The following LGALS12 variants were observed in gnomAD, a reference collection of about 807,000 sequenced individuals.
The protein encoded by LGALS12 is galectin-12.
LGALS12 carries 36 observed loss-of-function variants against 36.8 expected under a neutral mutation model. The ratio of observed to expected loss-of-function variants is 0.98; its 90% CI spans 0.75 to 1.29. LGALS12 has a LOEUF of 1.29. LGALS12 is among the 50% of genes most tolerant of loss of function. The probability of loss-of-function intolerance (pLI) is 0.00; values close to 1 mark genes in which losing one functional copy is unlikely to be tolerated. For missense variants in LGALS12, 366 were observed against 394.3 expected (o/e 0.93, Z 0.61); for synonymous variants, 145 against 155.9 (o/e 0.93, Z 0.52).
In LGALS12 at chr11:63,508,918, G is replaced by C. The variant is rs536709250; in HGVS notation, c.299G>C (p.Arg100Pro). The change falls in exon 3 of 9, where the codon CGG becomes CCG. Residue 100 changes from arginine (R) to proline (P), a missense_variant. By Grantham distance (103) the Arg-to-Pro change is moderately radical. Transcript: ENST00000394618. ...GGTGGACGCTGGCAAAGGGAGGCCC[G>C]GTGGCCCCACCTGGCCCTGCGAAGA... is the stretch of plus-strand genomic sequence containing the variant. ...LHGGRWQREA[R>P]WPHLALRRGS... 6.2e-7 allele frequency: 1 copy of C among 1,614,250 alleles called. No individual in the cohort carries two copies. Among genetic ancestry groups the C allele is most frequent in the South Asian group, 1.1e-5 (1 of 91,090 alleles).
At chr11:63,511,686 G>C in intron 6 of LGALS12, 66 bp from the exon 7 acceptor site, 2 of 1,190,066 alleles carry the variant, frequency 1.7e-6, no homozygotes, top group East Asian at 2.3e-5. Context: ...CCTGGCCCCC[G>C]GGGATGGGCG....
chr11:63,508,747 A>G (rs867118862), intron 2 of LGALS12, 31 bp from the exon 3 acceptor site: 1 of 1,613,980 alleles, frequency 6.2e-7, no homozygotes, highest in Middle Eastern at 1.6e-4. Flanking sequence ...TCTGGTCAGA[A>G]CCGCACTTTG....
chr11:63,512,737 C>T (rs2016964837), intron 7 of LGALS12, among the ~76,000 whole-genome samples: 1 of 148,660 alleles, frequency 6.7e-6, no homozygotes, highest in Non-Finnish European at 1.5e-5. Flanking sequence ...TGCAGTGATC[C>T]GAGATCGCGC....
In LGALS12 at chr11:63,506,640, C is replaced by CA. The variant is rs937053433; in HGVS notation, c.69+114dup. On this transcript the variant is annotated intron_variant, in intron 1 of 8. Transcript: ENST00000394618. ...AGGACCTCAGTCTTTCTGCTTCTCCCAGCACCTGCCCTGGGTTCTGGAAGG... is the reference window on the plus strand; with the variant it reads ...AGGACCTCAGTCTTTCTGCTTCTCCCAAGCACCTGCCCTGGGTTCTGGAAGG... The CA allele has an allele frequency of 1.3e-5, 18 of 1,399,478 alleles. No individual in the cohort carries two copies. The African/African-American group carries it at 2.4e-4, about 19-fold the overall frequency. 86.7% of individuals were successfully genotyped at this position (1,399,478 alleles called of 1,614,324 possible).
chr11:63,515,929 G>A lies in LGALS12; in HGVS notation c.798+216G>A, dbSNP rs191212872. Among the ~76,000 whole-genome samples, 28 of 152,208 alleles carry A rather than the reference G, an allele frequency of 1.8e-4. No individual in the cohort carries two copies. The East Asian group carries it at 2.5e-3, about 14-fold the overall frequency. ...CCAGAAACTCAATTGATGCAGGTGG[G>A]GGGGGGCCCAGGCATCAGCTTTATT... On this transcript the variant is annotated intron_variant, in intron 8 of 8. Coordinates refer to ENST00000394618, the MANE Select transcript of LGALS12 (RefSeq NM_033101.4).
chr11:63,516,745 G>T lies in LGALS12; in HGVS notation c.*352G>T. The T allele has an allele frequency of 8.4e-6, 2 of 238,642 alleles. No homozygotes were observed. Among genetic ancestry groups the T allele is most frequent in the South Asian group, 5.6e-5 (1 of 17,998 alleles). 14.8% of individuals were successfully genotyped at this position (238,642 alleles called of 1,614,324 possible). A position where few individuals can be genotyped will look rare whatever the true frequency, so the allele number is the denominator to read the frequency against. On this transcript the variant is annotated 3_prime_UTR_variant, in exon 9 of 9. Coordinates refer to ENST00000394618, the MANE Select transcript of LGALS12 (RefSeq NM_033101.4). ...TATTCTTTATTATTTATTTATTTGT[G>T]GTCAAATAAATAAATAAGGTTATTT...
rs1284441298 is a variant in LGALS12 at position 63,516,322 on chromosome 11, C to T, written c.874C>T (p.Gln292Ter). 2 of 1,613,210 alleles carry T rather than the reference C, an allele frequency of 1.2e-6. No homozygotes were observed. Among genetic ancestry groups the T allele is most frequent in the East Asian group, 2.2e-5 (1 of 44,846 alleles). ...GQGLGATSMN[Q>*]QALEQLRELR... ...GGGGCTGGGGGCCACCAGCATGAAC[C>T]AGCAGGCCCTGGAGCAGCTGCGGGA... Residue 292 changes from glutamine to a stop codon, truncating the protein, a stop_gained, in exon 9 of 9, where the codon CAG becomes TAG. Transcript: ENST00000394618. LOFTEE classifies it high-confidence loss of function.
chr11:63,516,223 C>A, intron 8 of LGALS12, 24 bp from the exon 9 acceptor site: 5 of 1,533,222 alleles, frequency 3.3e-6, no homozygotes, highest in Non-Finnish European at 4.4e-6. Context: ...GAAGCTGCAA[C>A]CCCCTCATGT....
Position 63,516,569 on chromosome 11 carries a change from G to A in LGALS12, c.*176G>A. ...TGGGCCTGAGGGAAGGCACAAGAGT[G>A]CAAAGGTTCCTCGAACTCTGCACCT... On this transcript the variant is annotated 3_prime_UTR_variant, in exon 9 of 9. Coordinates refer to ENST00000394618, the MANE Select transcript of LGALS12 (RefSeq NM_033101.4). 1.4e-6 allele frequency: 1 copy of A among 707,010 alleles called. No individual in the cohort carries two copies. Among genetic ancestry groups the A allele is most frequent in the Non-Finnish European group, 2.3e-6 (1 of 425,918 alleles). 43.8% of individuals were successfully genotyped at this position (707,010 alleles called of 1,614,324 possible). A position where few individuals can be genotyped will look rare whatever the true frequency, so the allele number is the denominator to read the frequency against.
chr11:63,511,211 T>G (rs753043227), intron 6 of LGALS12, 106 bp downstream of exon 6: 31 of 1,097,080 alleles, frequency 2.8e-5, no homozygotes, highest in Non-Finnish European at 4.1e-5. Flanking sequence ...GGATTTCCCC[T>G]TCCTTTATAG....
At chr11:63,506,558 C>G in intron 1 of LGALS12, 31 bp downstream of exon 1, 1 of 1,613,798 alleles carries the variant, frequency 6.2e-7, no homozygotes. Context: ...GGAACCTCCT[C>G]GGTCTCTGGG....
rs751371718 is a variant in LGALS12 at position 63,511,834 on chromosome 11, C to T, written c.641C>T (p.Pro214Leu). 9 of 1,609,938 alleles carry T rather than the reference C, an allele frequency of 5.6e-6. No homozygotes were observed. The highest frequency in any genetic ancestry group is 7.6e-6 in the Non-Finnish European group (9 of 1,176,670). Reference sequence around the variant, plus strand: ...GTACGGGGACTGGTCTTGCAAGAGCCGAAGCAGTAAGTATCCAGCATCTAA... The same window carrying T: ...GTACGGGGACTGGTCTTGCAAGAGCTGAAGCAGTAAGTATCCAGCATCTAA... ...IIVRGLVLQE[P>L]KHFTVSLRDQ... Residue 214 changes from proline (P) to leucine (L), a missense_variant, in exon 7 of 9, where the codon CCG becomes CTG. Pro to Leu is a moderately conservative substitution (Grantham distance 98). Transcript: ENST00000394618.
chr11:63,507,649 G>C (rs1399020727), intron 1 of LGALS12, among the ~76,000 whole-genome samples: 1 of 149,990 alleles, frequency 6.7e-6, no homozygotes, highest in African/African-American at 2.4e-5. Context: ...AGGGTGGAAA[G>C]AGACAGGAGG....
At chr11:63,508,733 GGTCTCT>G (rs2016820958) in intron 2 of LGALS12, 39 bp from the exon 3 acceptor site, 1 of 1,613,896 alleles carries the variant, frequency 6.2e-7, no homozygotes, top group African/African-American at 1.3e-5. Flanking sequence ...GATCTCTGTG[GGTCTCT>G]GGTCAGAACC....
At chr11:63,512,788 C>CA (rs35347135) in intron 7 of LGALS12, among the ~76,000 whole-genome samples, 25,903 of 111,168 alleles carry the variant, frequency 0.23, 2,760 homozygotes, top group South Asian at 0.3. Flanking sequence ...GACTCCATCT[C>CA]AAAAAAAAAA....
At chr11:63,516,201 A>G in intron 8 of LGALS12, 46 bp from the exon 9 acceptor site, 2 of 1,523,464 alleles carry the variant, frequency 1.3e-6, no homozygotes, top group Non-Finnish European at 1.8e-6. Flanking sequence ...CAGACAAGGG[A>G]AAGTCTGGCT....
intron 1 of LGALS12, 66 bp from the exon 2 acceptor site, chr11:63,508,487 G>T: frequency 1.3e-6 from 2 of 1,595,210 alleles, no homozygotes; most frequent in Non-Finnish European, 8.5e-7. Flanking sequence ...CCTCCCACTC[G>T]CCTGACATAG....
intron 1 of LGALS12, 132 bp downstream of exon 1, chr11:63,506,659 T>A: frequency 8.5e-7 from 1 of 1,171,772 alleles, no homozygotes; most frequent in Non-Finnish European, 1.2e-6. Context: ...CCCTGGGTTC[T>A]GGAAGGCCCT....
intron 1 of LGALS12, among the ~76,000 whole-genome samples, chr11:63,507,415 C>G (rs1376108215): frequency 6.6e-6 from 1 of 152,184 alleles, no homozygotes; most frequent in Admixed American, 6.5e-5. Context: ...CACATTCATT[C>G]CAAACACATC....
Sources: allele counts gnomAD v4.1 joint callset (sites outside exome capture counted in the v4.1 genomes callset), GRCh38; gene constraint gnomAD v4.1.1; transcripts MANE v1.5; gene names NCBI Gene and HGNC (gene_info 2026-07-23, HGNC 2026-07-21).